The following PRRG1 variants were observed in gnomAD, a reference collection of about 807,000 sequenced individuals.
PRRG1 encodes the protein transmembrane gamma-carboxyglutamic acid protein 1.
In PRRG1, 5 loss-of-function variants were observed where a neutral mutation model predicts 11.8. The ratio of observed to expected loss-of-function variants is 0.42; its 90% CI spans 0.22 to 0.89. The LOEUF is 0.89. Ranked by LOEUF, PRRG1 falls within the 40% of genes least tolerant of loss-of-function variation. The probability of loss-of-function intolerance (pLI) is 0.28; values close to 1 mark genes in which losing one functional copy is unlikely to be tolerated. For missense variants in PRRG1, 155 were observed against 166.1 expected (o/e 0.93, Z 0.37); for synonymous variants, 66 against 60.4 (o/e 1.09, Z -0.43).
chrX:37,364,924 A>G (rs1930522089), intron 1 of PRRG1, among the ~76,000 whole-genome samples: 2 of 112,321 alleles, frequency 1.8e-5, no homozygotes, highest in Non-Finnish European at 3.8e-5. Context: ...TGTCTCTGTA[A>G]AACGTTGGCA....
chrX:37,425,907 AG>A lies in PRRG1; in HGVS notation c.79del (p.Glu27LysfsTer2). On this transcript the variant is annotated frameshift_variant, in exon 3 of 4. Coordinates refer to ENST00000378628, the MANE Select transcript of PRRG1 (RefSeq NM_001142395.2). LOFTEE classifies it high-confidence loss of function. Reference sequence around the variant, plus strand: ...ACCCAAGAGCTAATGGGTTTTTTGAAGAAATAAGACAGGGCAACATTGAGCG... The same window carrying A: ...ACCCAAGAGCTAATGGGTTTTTTGAAAAATAAGACAGGGCAACATTGAGCG... ...RYPRANGFFEEIRQGNIEREC... is the reference protein window; with the variant it reads ...RYPRANGFFEXIRQGNIEREC... 8.3e-7 allele frequency: 1 copy of A among 1,207,390 alleles called. No homozygotes were observed. The highest frequency in any genetic ancestry group is 1.1e-6 in the Non-Finnish European group (1 of 892,862).
At chrX:37,440,098 C>A (rs1189870888) in intron 3 of PRRG1, among the ~76,000 whole-genome samples, 16 of 111,463 alleles carry the variant, frequency 1.4e-4, no homozygotes, top group Non-Finnish European at 3.8e-5. Flanking sequence ...CCGTGCCTGA[C>A]CTCTACTAAT....
At chrX:37,406,560 T>C (rs1436410108) in intron 2 of PRRG1, among the ~76,000 whole-genome samples, 1 of 109,851 alleles carries the variant, frequency 9.1e-6, no homozygotes, top group African/African-American at 3.3e-5. Flanking sequence ...ACTATATATA[T>C]ACACCTTCCC....
In PRRG1 at chrX:37,358,734, A is replaced by T. The variant is rs186204032; in HGVS notation, c.-42+9339A>T. Among the ~76,000 whole-genome samples the T allele has an allele frequency of 7.4e-3, 793 of 107,847 alleles. 2 individuals carry two copies. Among genetic ancestry groups the T allele is most frequent in the African/African-American group, 0.023 (677 of 29,854 alleles). The allele number at this position is 107,847 out of a possible 115,157, so 93.7% of individuals were successfully genotyped here. A position where few individuals can be genotyped will look rare whatever the true frequency, so the allele number is the denominator to read the frequency against. On this transcript the variant is annotated intron_variant, in intron 1 of 3. Transcript: ENST00000378628. The stretch of plus-strand genomic sequence containing the variant: ...TAAACTTTAGAATCAGTTGTTTTTT[A>T]AAAAAAAAAATTCACAATATCACTT...
chrX:37,366,597 G>A (rs1556369395), intron 1 of PRRG1, among the ~76,000 whole-genome samples: 1 of 112,166 alleles, frequency 8.9e-6, no homozygotes, highest in Non-Finnish European at 1.9e-5. Context: ...CAAATCAATG[G>A]AAGTGTGGCA....
At chrX:37,364,674 C>A (rs781962265) in intron 1 of PRRG1, among the ~76,000 whole-genome samples, 1 of 111,907 alleles carries the variant, frequency 8.9e-6, no homozygotes, top group East Asian at 2.8e-4. Flanking sequence ...GTGTTACTTC[C>A]CATCTTCACA....
chrX:37,449,944 A>G (rs972426532), intron 3 of PRRG1, among the ~76,000 whole-genome samples: 3 of 112,603 alleles, frequency 2.7e-5, no homozygotes, highest in African/African-American at 9.7e-5. Flanking sequence ...TTTGAATGAT[A>G]ATTATTAGAG....
chrX:37,407,563 C>G (rs1473436009), intron 2 of PRRG1, among the ~76,000 whole-genome samples: 2 of 111,678 alleles, frequency 1.8e-5, no homozygotes, highest in African/African-American at 6.5e-5. Context: ...TAGAACCTCC[C>G]TAAACTCGTT....
intron 2 of PRRG1, among the ~76,000 whole-genome samples, chrX:37,424,857 A>G (rs1419052608): frequency 9.0e-6 from 1 of 111,601 alleles, no homozygotes; most frequent in African/African-American, 3.2e-5. Flanking sequence ...GAGCACATAA[A>G]AAGTTTTTCA....
intron 3 of PRRG1, among the ~76,000 whole-genome samples, chrX:37,440,603 A>G (rs1027716141): frequency 1.8e-5 from 2 of 112,333 alleles, no homozygotes. Flanking sequence ...AATGCTACAG[A>G]GATTCATTTT....
chrX:37,387,277 T>G (rs1288473908), intron 1 of PRRG1, among the ~76,000 whole-genome samples: 1 of 112,435 alleles, frequency 8.9e-6, no homozygotes, highest in East Asian at 2.8e-4. Flanking sequence ...ACATACTAAG[T>G]GTATATTCTA....
At chrX:37,443,294 C>A (rs1602038628) in intron 3 of PRRG1, among the ~76,000 whole-genome samples, 2 of 111,568 alleles carry the variant, frequency 1.8e-5, no homozygotes, top group Non-Finnish European at 3.8e-5. Context: ...AACCTCAGGA[C>A]ATTTGCAGTG....
At chrX:37,404,566 T>C (rs1419561905) in intron 1 of PRRG1, among the ~76,000 whole-genome samples, 1 of 110,867 alleles carries the variant, frequency 9.0e-6, no homozygotes, top group Non-Finnish European at 1.9e-5. Flanking sequence ...GTATTTCAAA[T>C]TGTGCTTCCT....
intron 2 of PRRG1, among the ~76,000 whole-genome samples, chrX:37,420,882 A>G (rs1053525499): frequency 5.5e-5 from 6 of 109,245 alleles, no homozygotes; most frequent in Non-Finnish European, 1.1e-4. Context: ...AAATAAGTAA[A>G]TAAATAAATA....
chrX:37,428,464 A>G (rs1376394180), intron 3 of PRRG1, among the ~76,000 whole-genome samples: 2 of 111,822 alleles, frequency 1.8e-5, no homozygotes, highest in African/African-American at 6.5e-5. Flanking sequence ...TGCAAATCCA[A>G]AATCCATCAA....
At chrX:37,409,772 A>G (rs1462366460) in intron 2 of PRRG1, among the ~76,000 whole-genome samples, 2 of 112,185 alleles carry the variant, frequency 1.8e-5, no homozygotes, top group Non-Finnish European at 3.8e-5. Context: ...AACGTAGCCC[A>G]GTGTATCATA....
Position 37,422,876 on chromosome X carries a change from A to G in PRRG1, c.11-2964A>G, listed in dbSNP as rs782457071. On this transcript the variant is annotated intron_variant, in intron 2 of 3. Transcript: ENST00000378628. Reference sequence around the variant, plus strand: ...TGCACTGCTAGTCATATAACAGTATAGTACATACAATTATATATATTGTAT... The same window carrying G: ...TGCACTGCTAGTCATATAACAGTATGGTACATACAATTATATATATTGTAT... 5.4e-5 allele frequency among the ~76,000 whole-genome samples: 6 copies of G among 111,936 alleles called. No individual in the cohort carries two copies. In the East Asian group the frequency reaches 1.4e-3, roughly 26 times the overall value.
At chrX:37,451,246 C>T (rs1486403616) in intron 3 of PRRG1, among the ~76,000 whole-genome samples, 3 of 111,849 alleles carry the variant, frequency 2.7e-5, no homozygotes, top group Non-Finnish European at 5.6e-5. Flanking sequence ...TCGAACTCTC[C>T]ACCTCAGGTG....
chrX:37,353,673 A>G (rs1556365324), intron 1 of PRRG1, among the ~76,000 whole-genome samples: 1 of 112,018 alleles, frequency 8.9e-6, no homozygotes, highest in Non-Finnish European at 1.9e-5. Context: ...CTGTGTTTAG[A>G]TACACAGACA....
Sources: gnomAD v4.1 joint callset for allele counts (sites outside exome capture counted in the v4.1 genomes callset) on GRCh38, gnomAD v4.1.1 for gene constraint, MANE v1.5 for transcripts, NCBI Gene and HGNC (gene_info 2026-07-23, HGNC 2026-07-21) for gene names.